NETO1: variants seen among roughly 807,000 people sequenced by gnomAD.
The protein encoded by NETO1 is neuropilin and tolloid-like protein 1.
Under a neutral mutation model 61.3 loss-of-function variants are expected in NETO1, and 26 were observed. The ratio of observed to expected loss-of-function variants is 0.42; its 90% CI spans 0.31 to 0.59. The LOEUF is 0.59. Ranked by LOEUF, NETO1 falls within the 20% of genes least tolerant of loss-of-function variation. The pLI, the probability that NETO1 is intolerant of heterozygous loss-of-function variation, is 0.12. For synonymous variants in NETO1, 225 were observed against 225.8 expected (o/e 1.00, Z 0.03); for missense variants, 531 against 662.8 (o/e 0.80, Z 2.18).
chr18:72,797,854 T>TA (rs2072371066), intron 4 of NETO1, among the ~76,000 whole-genome samples: 1 of 152,148 alleles, frequency 6.6e-6, no homozygotes, highest in Admixed American at 6.5e-5. Context: ...AACTTGTCCT[T>TA]TTGTCTCTCT....
chr18:72,853,468 CCTT>C (rs2074318834), intron 4 of NETO1: 2 of 152,094 alleles, frequency 1.3e-5, no homozygotes, highest in South Asian at 4.1e-4. Context: ...AAATCGAAGT[CCTT>C]CTTTTAGCTG....
intron 4 of NETO1, among the ~76,000 whole-genome samples, chr18:72,831,240 A>G (rs981826632): frequency 6.6e-6 from 1 of 152,230 alleles, no homozygotes; most frequent in Non-Finnish European, 1.5e-5. Flanking sequence ...TGACTAACAC[A>G]TCTGATTCCA....
chr18:72,760,698 AC>A (rs2070941926), intron 7 of NETO1, among the ~76,000 whole-genome samples: 1 of 152,138 alleles, frequency 6.6e-6, no homozygotes, highest in Non-Finnish European at 1.5e-5. Flanking sequence ...TACCCAAGCG[AC>A]TTAATAATGC....
chr18:72,794,092 G>C (rs779295229), intron 6 of NETO1, 25 bp downstream of exon 6: 1 of 1,614,052 alleles, frequency 6.2e-7, no homozygotes, highest in Non-Finnish European at 8.5e-7. Context: ...CAGCTGTCAA[G>C]TGTGGGTTTC....
At chr18:72,756,202 T>C in intron 7 of NETO1, 55 bp from the exon 8 acceptor site, 1 of 806,528 alleles carries the variant, frequency 1.2e-6, no homozygotes, top group Admixed American at 2.0e-5. Flanking sequence ...CATTCAGTAG[T>C]AAATCACTCA....
At chr18:72,815,166 A>T (rs1293689463) in intron 4 of NETO1, among the ~76,000 whole-genome samples, 2 of 152,164 alleles carry the variant, frequency 1.3e-5, no homozygotes, top group African/African-American at 4.8e-5. Context: ...ACGGAACTCA[A>T]TCTCTGCTTC....
chr18:72,748,419 G>C (rs2070481310), intron 10 of NETO1: 1 of 356,850 alleles, frequency 2.8e-6, no homozygotes, highest in Admixed American at 6.5e-5. Flanking sequence ...TGTACACGTA[G>C]ACAACTGGGA....
At chr18:72,771,161 G>A (rs191687220) in intron 7 of NETO1, among the ~76,000 whole-genome samples, 5 of 152,222 alleles carry the variant, frequency 3.3e-5, no homozygotes, top group Admixed American at 3.3e-4. Context: ...ATCCAAGACA[G>A]AATGAAAATT....
intron 7 of NETO1, among the ~76,000 whole-genome samples, chr18:72,766,735 T>C (rs1447719468): frequency 6.6e-6 from 1 of 152,210 alleles, no homozygotes; most frequent in Non-Finnish European, 1.5e-5. Flanking sequence ...TTCTGAGAGA[T>C]ATTACATTAA....
intron 4 of NETO1, among the ~76,000 whole-genome samples, chr18:72,795,680 T>G (rs1490175344): frequency 6.6e-6 from 1 of 152,142 alleles, no homozygotes; most frequent in Non-Finnish European, 1.5e-5. Context: ...TTTTGATATA[T>G]GTGTACATTG....
At chr18:72,853,435 C>T (rs1441561592) in intron 4 of NETO1, 1 of 150,518 alleles carries the variant, frequency 6.6e-6, no homozygotes, top group Non-Finnish European at 1.5e-5. Flanking sequence ...TTTTTTCAAT[C>T]TTTTATTTTT....
chr18:72,840,908 A>G (rs925777147), intron 4 of NETO1, among the ~76,000 whole-genome samples: 1 of 152,238 alleles, frequency 6.6e-6, no homozygotes, highest in African/African-American at 2.4e-5. Context: ...TAAGGCTGTT[A>G]ACTACCATTT....
At chr18:72,838,605 G>T (rs2073829233) in intron 4 of NETO1, among the ~76,000 whole-genome samples, 1 of 152,148 alleles carries the variant, frequency 6.6e-6, no homozygotes, top group South Asian at 2.1e-4. Context: ...GTAAGAAGTG[G>T]GCACCATTCC....
chr18:72,761,011 A>C (rs1251689853), intron 7 of NETO1, among the ~76,000 whole-genome samples: 1 of 152,208 alleles, frequency 6.6e-6, no homozygotes, highest in South Asian at 2.1e-4. Flanking sequence ...AACTACCACC[A>C]CCGTTACCAA....
At chr18:72,783,607 A>T in intron 7 of NETO1, 71 bp downstream of exon 7, 1 of 1,317,006 alleles carries the variant, frequency 7.6e-7, no homozygotes, top group Non-Finnish European at 1.1e-6. Flanking sequence ...AGAAAACACC[A>T]TTAACAGCTT....
chr18:72,845,233 G>C (rs777214450), intron 4 of NETO1, among the ~76,000 whole-genome samples: 3 of 152,134 alleles, frequency 2.0e-5, no homozygotes, highest in Non-Finnish European at 4.4e-5. Context: ...TGTATCATTA[G>C]GGAGAAAAAT....
chr18:72,843,287 C>CT (rs1405171404), intron 4 of NETO1, among the ~76,000 whole-genome samples: 10 of 152,086 alleles, frequency 6.6e-5, no homozygotes, highest in Non-Finnish European at 1.3e-4. Flanking sequence ...CAGAGAGAAT[C>CT]AAACAACAGA....
intron 4 of NETO1, among the ~76,000 whole-genome samples, chr18:72,822,120 C>T (rs566748961): frequency 2.6e-5 from 4 of 152,262 alleles, no homozygotes; most frequent in South Asian, 2.1e-4. Flanking sequence ...GAGTGAGGAA[C>T]GAAGGTCTTG....
At chr18:72,775,283 C>A (rs999282517) in intron 7 of NETO1, among the ~76,000 whole-genome samples, 1 of 152,136 alleles carries the variant, frequency 6.6e-6, no homozygotes, top group Non-Finnish European at 1.5e-5. Flanking sequence ...TTAACACAAG[C>A]TTTATAAAAT....
Sources: allele counts gnomAD v4.1 joint callset (sites outside exome capture counted in the v4.1 genomes callset), GRCh38; gene constraint gnomAD v4.1.1; transcripts MANE v1.5; gene names NCBI Gene and HGNC (gene_info 2026-07-23, HGNC 2026-07-21).